The following RXRA variants were observed in gnomAD, a reference collection of about 807,000 sequenced individuals.
The protein encoded by RXRA is retinoic acid receptor RXR-alpha.
A neutral mutation model predicts 44.5 loss-of-function variants in RXRA; 5 were observed. The observed-to-expected ratio is 0.11, with a 90% CI of 0.06 to 0.24. The LOEUF (loss-of-function observed/expected upper bound fraction) is 0.24. Ranked by LOEUF, RXRA falls within the 10% of genes least tolerant of loss-of-function variation. The pLI, the probability that RXRA is intolerant of heterozygous loss-of-function variation, is 1.00. For missense variants in RXRA, 412 were observed against 646.5 expected (o/e 0.64, Z 3.93); for synonymous variants, 291 against 271.4 (o/e 1.07, Z -0.71).
At chr9:134,398,389 T>A (rs1830911299) in intron 1 of RXRA, among the ~76,000 whole-genome samples, 1 of 147,314 alleles carries the variant, frequency 6.8e-6, no homozygotes, top group African/African-American at 2.5e-5. Flanking sequence ...GGCCCTTTGC[T>A]GTGAGTAGAG....
chr9:134,332,965 G>A (rs548679751), intron 1 of RXRA, among the ~76,000 whole-genome samples: 3 of 152,128 alleles, frequency 2.0e-5, no homozygotes, highest in Non-Finnish European at 4.4e-5. Context: ...CCTGGGGGTC[G>A]TCTTTCCCGG....
At chr9:134,419,870 C>T (rs945835546) in intron 5 of RXRA, among the ~76,000 whole-genome samples, 3 of 152,194 alleles carry the variant, frequency 2.0e-5, no homozygotes, top group Non-Finnish European at 2.9e-5. Flanking sequence ...TGTGCCTCCT[C>T]CTCCGCTCCG....
At position 134,419,837 on chromosome 9, in the gene RXRA, G is replaced by A. The variant is rs537698259; in HGVS notation, c.781-1839G>A. ...GGCCTAGCCCTGCTGGTACTGGAGC[G>A]AGAGCCTCACACCTGCCGGGAGTGT... On this transcript the variant is annotated intron_variant, in intron 5 of 9. Transcript: ENST00000481739. Among the ~76,000 whole-genome samples, 261 of 152,318 alleles carry A rather than the reference G, an allele frequency of 1.7e-3. 2 individuals are homozygous for A. The highest frequency in any genetic ancestry group is 5.8e-3 in the African/African-American group (242 of 41,558).
At chr9:134,410,139 C>T (rs1418471501) in intron 4 of RXRA, among the ~76,000 whole-genome samples, 2 of 152,258 alleles carry the variant, frequency 1.3e-5, no homozygotes, top group East Asian at 1.9e-4. Context: ...ATCAGAGCCT[C>T]TGCCAGGCGC....
In RXRA at chr9:134,417,151, G is replaced by C. The variant is rs1476837710; in HGVS notation, c.611-7G>C. ...CGTGGGGCTCACCTGCGCCTCCCGG[G>C]TTGTAGCCGTGCAGGAGGAGCGGCA... On this transcript the variant is annotated splice_region_variant and splice_polypyrimidine_tract_variant and intron_variant, in intron 4 of 9. Transcript: ENST00000481739. The surrounding 1 kb of genome is among the most constrained non-coding windows in gnomAD (Gnocchi z 6.1). 2 of 1,609,054 alleles carry C rather than the reference G, an allele frequency of 1.2e-6. No homozygotes were observed. Among genetic ancestry groups the C allele is most frequent in the African/African-American group, 2.7e-5 (2 of 74,902 alleles).
rs113740132 is a variant in RXRA, at chr9:134,422,188, T to G, written c.910+383T>G. On this transcript the variant is annotated intron_variant, in intron 6 of 9. Coordinates refer to ENST00000481739, the MANE Select transcript of RXRA (RefSeq NM_002957.6). ...CACACTTCCCCCTCCTGGGACACACTTCCCCCTCCAGGGACACACTTCCCC... is the reference window on the plus strand; with the variant it reads ...CACACTTCCCCCTCCTGGGACACACGTCCCCCTCCAGGGACACACTTCCCC... 7 of 1,171,394 alleles carry G rather than the reference T, an allele frequency of 6.0e-6. No individual in the cohort carries two copies. The African/African-American group carries it at 1.1e-4, about 19-fold the overall frequency. 72.6% of individuals were successfully genotyped at this position (1,171,394 alleles called of 1,614,324 possible). A position where few individuals can be genotyped will look rare whatever the true frequency, so the allele number is the denominator to read the frequency against.
chr9:134,435,328 G>A (rs1440590491), intron 9 of RXRA, among the ~76,000 whole-genome samples: 1 of 152,186 alleles, frequency 6.6e-6, no homozygotes, highest in African/African-American at 2.4e-5. Context: ...CTCAGCGGCA[G>A]CTGCTGCCCT....
At chr9:134,369,326 G>C (rs1588269059) in intron 1 of RXRA, among the ~76,000 whole-genome samples, 1 of 78,204 alleles carries the variant, frequency 1.3e-5, no homozygotes, top group African/African-American at 7.3e-5. Flanking sequence ...TTGTGTGTGT[G>C]GGGGGGGTTA....
At chr9:134,375,998 C>A (rs965105787) in intron 1 of RXRA, among the ~76,000 whole-genome samples, 29 of 149,958 alleles carry the variant, frequency 1.9e-4, no homozygotes, top group Non-Finnish European at 3.7e-4. Context: ...AGGCTCGCAG[C>A]CTGCTGGCCT....
chr9:134,337,759 G>T (rs782761185), intron 1 of RXRA, among the ~76,000 whole-genome samples: 1 of 152,126 alleles, frequency 6.6e-6, no homozygotes, highest in Non-Finnish European at 1.5e-5. Flanking sequence ...GGCAGAGCTC[G>T]CTGACTCTGC....
Position 134,341,496 on chromosome 9 carries a change from T to G in RXRA, c.28+14837T>G, listed in dbSNP as rs1830085818. On this transcript the variant is annotated intron_variant, in intron 1 of 9. Transcript: ENST00000481739. ...GGCCTGGCTGGAGCCATTTTATTTTTATTTCCTATTTTTACTTCCCCGTTG... is the reference window on the plus strand; with the variant it reads ...GGCCTGGCTGGAGCCATTTTATTTTGATTTCCTATTTTTACTTCCCCGTTG... Among the ~76,000 whole-genome samples the G allele has an allele frequency of 2.6e-5, 4 of 152,018 alleles. No individual in the cohort carries two copies. The South Asian group carries it at 8.3e-4, about 32-fold the overall frequency.
At chr9:134,374,641 T>C (rs1210427227) in intron 1 of RXRA, among the ~76,000 whole-genome samples, 2 of 152,234 alleles carry the variant, frequency 1.3e-5, no homozygotes, top group Non-Finnish European at 2.9e-5. Context: ...ACCCAGAGAA[T>C]GGCCAGGCCA....
chr9:134,366,346 C>T lies in RXRA; in HGVS notation c.29-35286C>T, dbSNP rs1315117201. Among the ~76,000 whole-genome samples, 1 of 152,130 alleles carries T rather than the reference C, an allele frequency of 6.6e-6. No individual in the cohort carries two copies. The highest frequency in any genetic ancestry group is 2.4e-5 in the African/African-American group (1 of 41,412). ...TGCCCTGCCAGCAGGTCCAGCAGGC[C>T]TTGGCACAGGCTCCAGAATTGCACG... On this transcript the variant is annotated intron_variant, in intron 1 of 9. Transcript: ENST00000481739. This position sits in a 1 kb window ranked among gnomAD's most constrained non-coding sequence, Gnocchi z 5.9.
intron 4 of RXRA, among the ~76,000 whole-genome samples, chr9:134,412,784 C>A (rs1452547465): frequency 1.3e-5 from 2 of 152,162 alleles, no homozygotes; most frequent in African/African-American, 2.4e-5. Context: ...GGTTCCCAGT[C>A]CGATGGAAAA....
chr9:134,432,866 C>A (rs942926515), intron 8 of RXRA, among the ~76,000 whole-genome samples: 1 of 152,124 alleles, frequency 6.6e-6, no homozygotes, highest in Non-Finnish European at 1.5e-5. Flanking sequence ...GAAAGTCTTG[C>A]TAAGTTTGGG....
chr9:134,367,697 C>T (rs1393812178), intron 1 of RXRA, among the ~76,000 whole-genome samples: 1 of 152,212 alleles, frequency 6.6e-6, no homozygotes, highest in Non-Finnish European at 1.5e-5. Flanking sequence ...TGTGGGGCAC[C>T]ATGGTCCCCC....
At position 134,376,591 on chromosome 9, in the gene RXRA, G is replaced by A. The variant is rs74511699; in HGVS notation, c.29-25041G>A. 3.3e-3 allele frequency among the ~76,000 whole-genome samples: 506 copies of A among 152,404 alleles called. 3 individuals are homozygous for A. Among genetic ancestry groups the A allele is most frequent in the African/African-American group, 0.011 (460 of 41,598 alleles). On this transcript the variant is annotated intron_variant, in intron 1 of 9. Coordinates refer to ENST00000481739, the MANE Select transcript of RXRA (RefSeq NM_002957.6). ...GACCTTTGTGTGTTGGAGCCTTGCCGCGTTCTCTGTCTATAGAAGGTGATG... is the reference window on the plus strand; with the variant it reads ...GACCTTTGTGTGTTGGAGCCTTGCCACGTTCTCTGTCTATAGAAGGTGATG...
Position 134,434,260 on chromosome 9 carries a change from A to C in RXRA, c.1241+53A>C, listed in dbSNP as rs527556712. ...CCCAGACCCAGGCTCTTGTCTCCAG[A>C]GCCCCCACCCCCTGCAAGGCCATTT... On this transcript the variant is annotated intron_variant, in intron 9 of 9. Transcript: ENST00000481739. 3.3e-5 allele frequency: 45 copies of C among 1,359,032 alleles called. No individual in the cohort carries two copies. The Admixed American group carries it at 5.8e-4, about 18-fold the overall frequency. 84.2% of individuals were successfully genotyped at this position (1,359,032 alleles called of 1,614,324 possible). A position where few individuals can be genotyped will look rare whatever the true frequency, so the allele number is the denominator to read the frequency against.
Position 134,381,430 on chromosome 9 carries a change from G to T in RXRA, c.29-20202G>T, listed in dbSNP as rs73663469. Among the ~76,000 whole-genome samples the T allele has an allele frequency of 2.8e-3, 434 of 152,284 alleles. 3 individuals are homozygous for T. Among genetic ancestry groups the T allele is most frequent in the African/African-American group, 9.8e-3 (406 of 41,540 alleles). On this transcript the variant is annotated intron_variant, in intron 1 of 9. Transcript: ENST00000481739. ...CTGGGCCCTGTTGGATCTTCTAACTGTCTGAGCGGGAGAGGGAAGGCTTCC... is the reference window on the plus strand; with the variant it reads ...CTGGGCCCTGTTGGATCTTCTAACTTTCTGAGCGGGAGAGGGAAGGCTTCC...
Sources: allele counts gnomAD v4.1 joint callset (sites outside exome capture counted in the v4.1 genomes callset), GRCh38; gene constraint gnomAD v4.1.1; non-coding constraint Gnocchi (gnomAD v3.1); transcripts MANE v1.5; gene names NCBI Gene and HGNC (gene_info 2026-07-23, HGNC 2026-07-21).